Variants in KALRN observed in about 807,000 individuals in gnomAD.
KALRN encodes kalirin RhoGEF kinase.
In KALRN, 70 loss-of-function variants were observed where a neutral mutation model predicts 353.7. The observed-to-expected ratio is 0.20, with a 90% CI of 0.16 to 0.24. The LOEUF (loss-of-function observed/expected upper bound fraction) is 0.24. Among genes scored for constraint, KALRN ranks in the 10% least tolerant of loss-of-function variants. The pLI is 1.00. For synonymous variants in KALRN, 1,391 were observed against 1,434.8 expected, an observed-to-expected ratio of 0.97 and a Z score of 0.69; for missense variants, 2,791 against 3,756.7, an observed-to-expected ratio of 0.74 and a Z score of 6.72.
chr3:124,262,101 G>A (rs905598581), intron 3 of KALRN, among the ~76,000 whole-genome samples: 24 of 152,180 alleles, frequency 1.6e-4, no homozygotes, highest in African/African-American at 5.8e-4. Flanking sequence ...GGAAGGGGGT[G>A]GTACTGTCAT....
At chr3:124,221,939 A>C (rs2077964140) in intron 1 of KALRN, among the ~76,000 whole-genome samples, 1 of 152,152 alleles carries the variant, frequency 6.6e-6, no homozygotes, top group South Asian at 2.1e-4. Flanking sequence ...TCAGATGCAG[A>C]GCTCCCCAGG....
intron 1 of KALRN, among the ~76,000 whole-genome samples, chr3:124,111,724 A>G (rs1429645524): frequency 1.3e-5 from 2 of 152,194 alleles, no homozygotes; most frequent in African/African-American, 4.8e-5. Flanking sequence ...GTTCATTGAA[A>G]ACACACTTTG....
rs192191249 is a variant in KALRN at position 124,342,229 on chromosome 3, G to A, written c.1648-4914G>A. 2.1e-3 allele frequency among the ~76,000 whole-genome samples: 320 copies of A among 151,820 alleles called. 2 individuals are homozygous for A. The highest frequency in any genetic ancestry group is 3.8e-3 in the Non-Finnish European group (257 of 67,980). On this transcript the variant is annotated intron_variant, in intron 9 of 59. Coordinates refer to ENST00000682506, the MANE Select transcript of KALRN (RefSeq NM_001388419.1). ...TAATTTTGTTATATACGTAGATTGC[G>A]TAGTGGTAAAGTCAGAGCTTTTAGG...
chr3:124,540,402 C>T (rs990530021), intron 33 of KALRN, among the ~76,000 whole-genome samples: 5 of 152,066 alleles, frequency 3.3e-5, no homozygotes, highest in Non-Finnish European at 7.4e-5. Context: ...AGAAATCTGT[C>T]GTGTAGCCAG....
At chr3:124,608,809 T>C (rs1392720722) in intron 34 of KALRN, among the ~76,000 whole-genome samples, 2 of 152,226 alleles carry the variant, frequency 1.3e-5, no homozygotes, top group African/African-American at 4.8e-5. Context: ...GACAGATTAG[T>C]ACATTGAAAG....
chr3:124,455,432 G>A, intron 22 of KALRN, 73 bp downstream of exon 22: 1 of 1,421,972 alleles, frequency 7.0e-7, no homozygotes, highest in South Asian at 1.3e-5. Context: ...TCATCGCCAT[G>A]GAAGAAAAGC....
intron 48 of KALRN, 54 bp downstream of exon 48, chr3:124,671,952 G>A: frequency 7.5e-7 from 1 of 1,327,372 alleles, no homozygotes; most frequent in Non-Finnish European, 1.1e-6. Flanking sequence ...ATAGCCTCAG[G>A]GGTTACTTTA....
intron 1 of KALRN, among the ~76,000 whole-genome samples, chr3:124,102,428 A>G (rs1304414965): frequency 6.6e-6 from 1 of 152,182 alleles, no homozygotes; most frequent in Non-Finnish European, 1.5e-5. Context: ...TGTCCTCCAG[A>G]AAAATATCCC....
At chr3:124,132,544 C>G (rs2065424242) in intron 1 of KALRN, among the ~76,000 whole-genome samples, 1 of 152,274 alleles carries the variant, frequency 6.6e-6, no homozygotes, top group South Asian at 2.1e-4. Flanking sequence ...AAGAAAATAC[C>G]TTACTCTCCT....
At chr3:124,598,208 A>C (rs2076447414) in intron 34 of KALRN, among the ~76,000 whole-genome samples, 1 of 152,172 alleles carries the variant, frequency 6.6e-6, no homozygotes, top group Non-Finnish European at 1.5e-5. Context: ...GCCCAAGTCC[A>C]TCTGAAATCA....
chr3:124,627,831 TAAG>T (rs1481144328), intron 34 of KALRN, among the ~76,000 whole-genome samples: 1 of 152,176 alleles, frequency 6.6e-6, no homozygotes, highest in Non-Finnish European at 1.5e-5. Flanking sequence ...TTTTCTGAGA[TAAG>T]ATTACAGCTT....
At chr3:124,260,916 G>A (rs9844005) in intron 3 of KALRN, among the ~76,000 whole-genome samples, 66,668 of 151,826 alleles carry the variant, frequency 0.44, 14,787 homozygotes, top group Admixed American at 0.46. Flanking sequence ...AATTTATCCC[G>A]TCTCCTCTGA....
At chr3:124,591,558 G>A (rs1247909985) in intron 34 of KALRN, among the ~76,000 whole-genome samples, 1 of 152,170 alleles carries the variant, frequency 6.6e-6, no homozygotes, top group East Asian at 1.9e-4. Context: ...TGCCAGCCCT[G>A]TGCTAGGTGC....
Position 124,678,087 on chromosome 3 carries a change from A to T in KALRN, c.7194-103A>T, listed in dbSNP as rs2087394772. The T allele has an allele frequency of 2.3e-5, 30 of 1,294,712 alleles. No homozygotes were observed. The South Asian group carries it at 3.4e-4, about 15-fold the overall frequency. The allele number at this position is 1,294,712 out of a possible 1,614,324, so 80.2% of individuals were successfully genotyped here. A position where few individuals can be genotyped will look rare whatever the true frequency, so the allele number is the denominator to read the frequency against. On this transcript the variant is annotated intron_variant, in intron 49 of 59. Transcript: ENST00000682506. ...TTGGGGCCTCTGAAGCCCGGGCTTG[A>T]TGGAGCACCTCACCTGCTGACTCAC...
chr3:124,082,472 G>A (rs2060593894), intron 1 of KALRN: 3 of 355,730 alleles, frequency 8.4e-6, no homozygotes. Context: ...GGTGGTGCCA[G>A]TTCTGCTTCA....
At chr3:124,098,581 A>G (rs947023084) in intron 1 of KALRN, among the ~76,000 whole-genome samples, 2 of 152,052 alleles carry the variant, frequency 1.3e-5, no homozygotes, top group Middle Eastern at 3.4e-3. Context: ...GCATTTCTCT[A>G]TTATCCTCTA....
chr3:124,520,000 AC>A, intron 33 of KALRN: 1 of 439,594 alleles, frequency 2.3e-6, no homozygotes, highest in Non-Finnish European at 3.0e-6. Flanking sequence ...TGATGGCGGC[AC>A]CACTGCAATT....
At chr3:124,239,205 G>A (rs914519760) in intron 3 of KALRN, among the ~76,000 whole-genome samples, 1 of 152,170 alleles carries the variant, frequency 6.6e-6, no homozygotes, top group African/African-American at 2.4e-5. Flanking sequence ...TTGAAAGACA[G>A]GATAGAAAAT....
intron 5 of KALRN, among the ~76,000 whole-genome samples, chr3:124,286,079 C>G (rs866984376): frequency 9.0e-6 from 1 of 110,594 alleles, no homozygotes; most frequent in African/African-American, 3.6e-5. Flanking sequence ...TCTTTCTTTC[C>G]TTCCTTTCTT....
Sources: gnomAD v4.1 joint callset for allele counts (sites outside exome capture counted in the v4.1 genomes callset) on GRCh38, gnomAD v4.1.1 for gene constraint, MANE v1.5 for transcripts, NCBI Gene and HGNC (gene_info 2026-07-23, HGNC 2026-07-21) for gene names.